Variants in GCN1 observed in about 807,000 individuals in gnomAD.
GCN1 encodes stalled ribosome sensor GCN1.
GCN1 carries 90 observed loss-of-function variants against 288.4 expected under a neutral mutation model. The ratio of observed to expected loss-of-function variants is 0.31; its 90% CI spans 0.26 to 0.37. The LOEUF (loss-of-function observed/expected upper bound fraction) is 0.37, where lower values mean the gene tolerates loss of function less well. Among genes scored for constraint, GCN1 ranks in the 10% least tolerant of loss-of-function variants. The probability of loss-of-function intolerance (pLI) is 1.00; values close to 1 mark genes in which losing one functional copy is unlikely to be tolerated. For synonymous variants in GCN1, 1,386 were observed against 1,420.2 expected (o/e 0.98, Z 0.54); for missense variants, 2,586 against 3,419.9 (o/e 0.76, Z 6.08).
rs772942124 is a variant in GCN1 at position 120,134,648 on chromosome 12, C to A, written c.7087G>T (p.Val2363Leu). The A allele has an allele frequency of 1.9e-6, 3 of 1,612,908 alleles. No individual in the cohort carries two copies. Among genetic ancestry groups the A allele is most frequent in the Admixed American group, 1.7e-5 (1 of 59,992 alleles). Residue 2363 changes from valine to leucine, a missense_variant, in exon 52 of 58, where the codon GTG becomes TTG. Transcript: ENST00000300648. The surrounding 1 kb of genome is among the most constrained non-coding windows in gnomAD (Gnocchi z 5.0). The part of the protein sequence containing the change: ...TKALQDSNRG[V>L]RLKAADALGK... ...AGAGCATCTGCGGCCTTCAGGCGCA[C>A]CCCCCGGTTGGAGTCCTGCAGGGCT...
Position 120,156,898 on chromosome 12 carries a change from GA to G in GCN1, c.3168+13del. ...AACTGAGTCACAGCAACAGCCAACTGAAAACCACATCACCTGTAAGCGAGGC... is the reference window on the plus strand; with the variant it reads ...AACTGAGTCACAGCAACAGCCAACTGAAACCACATCACCTGTAAGCGAGGC... On this transcript the variant is annotated intron_variant, in intron 27 of 57. Transcript: ENST00000300648. This position sits in a 1 kb window ranked among gnomAD's most constrained non-coding sequence, Gnocchi z 5.8. 6.3e-7 allele frequency: 1 copy of G among 1,581,792 alleles called. No individual in the cohort carries two copies. The highest frequency in any genetic ancestry group is 8.7e-7 in the Non-Finnish European group (1 of 1,150,612).
rs1039837978 is a variant in GCN1 at position 120,128,052 on chromosome 12, A to G, written c.7891-78T>C. Reference sequence around the variant, plus strand: ...GTTCTCCAATTGGAGAAAGACAAAAATGAATGTTAACCCCAGAACTAGAGA... The same window carrying G: ...GTTCTCCAATTGGAGAAAGACAAAAGTGAATGTTAACCCCAGAACTAGAGA... On this transcript the variant is annotated intron_variant, in intron 57 of 57. Transcript: ENST00000300648. The G allele has an allele frequency of 1.3e-5, 19 of 1,518,258 alleles. No individual in the cohort carries two copies. The African/African-American group carries it at 2.2e-4, about 18-fold the overall frequency. The allele number at this position is 1,518,258 out of a possible 1,614,324, so 94.0% of individuals were successfully genotyped here. A position where few individuals can be genotyped will look rare whatever the true frequency, so the allele number is the denominator to read the frequency against.
chr12:120,134,467 G>T lies in GCN1; in HGVS notation c.7203-62C>A. 1 of 1,590,814 alleles carries T rather than the reference G, an allele frequency of 6.3e-7. No individual in the cohort carries two copies. Among genetic ancestry groups the T allele is most frequent in the Admixed American group, 1.7e-5 (1 of 59,866 alleles). Reference sequence around the variant, plus strand: ...CTCCACCACCACCCCTCCTGCCAGCGCAGGCTCGGCCCACAGCAACCCCTG... The same window carrying T: ...CTCCACCACCACCCCTCCTGCCAGCTCAGGCTCGGCCCACAGCAACCCCTG... On this transcript the variant is annotated intron_variant, in intron 52 of 57. Transcript: ENST00000300648. The surrounding 1 kb of genome is among the most constrained non-coding windows in gnomAD (Gnocchi z 5.0).
intron 3 of GCN1, 32 bp from the exon 4 acceptor site, chr12:120,184,275 T>C: frequency 1.3e-6 from 2 of 1,597,168 alleles, no homozygotes; most frequent in Non-Finnish European, 1.7e-6. Context: ...AGGGTGAACA[T>C]GCAGACCTCA....
rs1336297568 is a variant in GCN1, at chr12:120,151,266, C to A, written c.4188G>T (p.Gly1396=). The A allele has an allele frequency of 2.5e-6, 4 of 1,614,226 alleles. No homozygotes were observed. The highest frequency in any genetic ancestry group is 3.4e-6 in the Non-Finnish European group (4 of 1,180,044). ...CCAGGCCCGCCAGGCCATAGGCGGCCCCTTTGCGCTCTGCGTACTTGTCTG... is the reference window on the plus strand; with the variant it reads ...CCAGGCCCGCCAGGCCATAGGCGGCACCTTTGCGCTCTGCGTACTTGTCTG... ...LESDKYAERK[G]AAYGLAGLVK... The change falls in exon 34 of 58, where the codon GGG becomes GGT. Residue 1396 remains glycine (G), a synonymous_variant. Coordinates refer to ENST00000300648, the MANE Select transcript of GCN1 (RefSeq NM_006836.2).
intron 9 of GCN1, 103 bp downstream of exon 9, chr12:120,177,344 C>A: frequency 1.5e-6 from 1 of 650,082 alleles, no homozygotes; most frequent in Non-Finnish European, 2.8e-6. Flanking sequence ...AATACATCCC[C>A]CTTCCCTCCC....
intron 5 of GCN1, among the ~76,000 whole-genome samples, chr12:120,179,151 T>A (rs1028296474): frequency 2.1e-4 from 32 of 152,212 alleles, no homozygotes; most frequent in African/African-American, 7.2e-5. Context: ...CTGTTCCCAC[T>A]AGTGTTCGTT....
chr12:120,148,831 T>A (rs992178708), intron 36 of GCN1, among the ~76,000 whole-genome samples: 2 of 152,098 alleles, frequency 1.3e-5, no homozygotes, highest in Non-Finnish European at 2.9e-5. Context: ...TTTATTTATT[T>A]ATTTTTGAGA....
chr12:120,167,178 A>G (rs1387536437), intron 16 of GCN1, among the ~76,000 whole-genome samples: 1 of 151,440 alleles, frequency 6.6e-6, no homozygotes, highest in Non-Finnish European at 1.5e-5. Context: ...CATCTCTACT[A>G]AGAAAAAAAA....
At chr12:120,159,342 T>C (rs531924076) in intron 24 of GCN1, among the ~76,000 whole-genome samples, 4 of 152,262 alleles carry the variant, frequency 2.6e-5, no homozygotes, top group Admixed American at 1.3e-4. Flanking sequence ...TAGGCCAGGA[T>C]AGAAGTCTGC....
chr12:120,184,288 C>A, intron 3 of GCN1, 45 bp from the exon 4 acceptor site: 1 of 1,580,140 alleles, frequency 6.3e-7, no homozygotes, highest in South Asian at 1.1e-5. Context: ...AGACCTCAGG[C>A]AGAGGCAGGG....
chr12:120,147,835 A>G (rs1291790473), intron 37 of GCN1, among the ~76,000 whole-genome samples: 1 of 152,136 alleles, frequency 6.6e-6, no homozygotes, highest in East Asian at 1.9e-4. Flanking sequence ...AGTCAGGTTA[A>G]TCCTAACCCT....
At chr12:120,170,430 G>T in intron 14 of GCN1, 109 bp from the exon 15 acceptor site, 1 of 945,386 alleles carries the variant, frequency 1.1e-6, no homozygotes, top group Non-Finnish European at 1.6e-6. Flanking sequence ...AAACCCTTCA[G>T]TTAATTTTTC....
intron 44 of GCN1, among the ~76,000 whole-genome samples, chr12:120,141,562 G>A (rs1019660300): frequency 2.6e-5 from 4 of 152,148 alleles, no homozygotes; most frequent in African/African-American, 4.8e-5. Context: ...CCCTGCCAGC[G>A]CGCCAGCCTG....
At chr12:120,167,878 C>T (rs1878183925) in intron 16 of GCN1, among the ~76,000 whole-genome samples, 1 of 151,930 alleles carries the variant, frequency 6.6e-6, no homozygotes, top group African/African-American at 2.4e-5. Flanking sequence ...GGAGTAGAGC[C>T]TGCCAGACTC....
intron 15 of GCN1, 30 bp from the exon 16 acceptor site, chr12:120,168,330 G>A (rs773073442): frequency 9.4e-6 from 12 of 1,278,928 alleles, no homozygotes; most frequent in South Asian, 2.4e-5. Flanking sequence ...ACCCCACGAC[G>A]CAGCTCACCA....
chr12:120,137,787 G>C lies in GCN1; in HGVS notation c.6421C>G (p.Leu2141Val). The change falls in exon 49 of 58, where the codon CTC becomes GTC. Residue 2141 changes from leucine (L) to valine (V), a missense_variant. Physicochemically the swap from Leu to Val is conservative, Grantham distance 32 (BLOSUM62 1). Transcript: ENST00000300648. This position sits in a 1 kb window ranked among gnomAD's most constrained non-coding sequence, Gnocchi z 5.2. ...LEMANCQAVI[L>V]SVEDDTGHRI... ...TGCCCTGTGTCATCCTCTACGGAGA[G>C]GATCACAGCCTGACAATTGGCCATC... The C allele has an allele frequency of 6.2e-7, 1 of 1,614,000 alleles. No individual in the cohort carries two copies. The highest frequency in any genetic ancestry group is 1.7e-5 in the Admixed American group (1 of 60,012).
In GCN1 at chr12:120,155,386, G is replaced by A. The variant is rs183298599; in HGVS notation, c.3485C>T (p.Ser1162Phe). ...MGLDLQPDLC[S>F]LLIDDVIYHE... ...ATAGATCACGTCGTCAATCAGCAAG[G>A]AGCAGAGGTCTGGCTGCAGGTCTAG... The change falls in exon 30 of 58, where the codon TCC becomes TTC. Residue 1162 changes from serine to phenylalanine, a missense_variant. Physicochemically the swap from Ser to Phe is radical, Grantham distance 155. This residue lies in a region of GCN1 where 332 missense variants were observed against 403.0 expected (regional missense o/e 0.82). Coordinates refer to ENST00000300648, the MANE Select transcript of GCN1 (RefSeq NM_006836.2). This position sits in a 1 kb window ranked among gnomAD's most constrained non-coding sequence, Gnocchi z 4.9. 2,816 of 1,614,092 alleles carry A rather than the reference G, an allele frequency of 1.7e-3. 4 individuals are homozygous for A. The highest frequency in any genetic ancestry group is 2.2e-3 in the Non-Finnish European group (2,559 of 1,180,024).
chr12:120,190,467 G>T, intron 1 of GCN1, 67 bp from the exon 2 acceptor site: 1 of 869,694 alleles, frequency 1.1e-6, no homozygotes, highest in Non-Finnish European at 2.0e-6. Flanking sequence ...GTGTGTTGAG[G>T]GGTGGGTGTA....
Sources: allele counts gnomAD v4.1 joint callset (sites outside exome capture counted in the v4.1 genomes callset), GRCh38; gene constraint gnomAD v4.1.1; regional missense constraint gnomAD v4.1.1; non-coding constraint Gnocchi (gnomAD v3.1); transcripts MANE v1.5; gene names NCBI Gene and HGNC (gene_info 2026-07-23, HGNC 2026-07-21).